Variants in ALOXE3 observed in about 807,000 individuals in gnomAD.
The protein encoded by ALOXE3 is hydroperoxide isomerase ALOXE3.
ALOXE3 carries 78 observed loss-of-function variants against 87.5 expected under a neutral mutation model. The ratio of observed to expected loss-of-function variants is 0.89; its 90% CI spans 0.74 to 1.08. ALOXE3 has a LOEUF of 1.08. Ranked by LOEUF, ALOXE3 falls within the 50% of genes least tolerant of loss-of-function variation. The pLI is 0.00. For synonymous variants in ALOXE3, 363 were observed against 370.8 expected, an observed-to-expected ratio of 0.98 and a Z score of 0.24; for missense variants, 946 against 912.4, an observed-to-expected ratio of 1.04 and a Z score of -0.47.
intron 13 of ALOXE3, among the ~76,000 whole-genome samples, chr17:8,106,749 C>T (rs983831707): frequency 2.0e-5 from 3 of 152,096 alleles, no homozygotes; most frequent in Non-Finnish European, 2.9e-5. Context: ...TCGCTTGAAC[C>T]GGGAGGTGGA....
chr17:8,096,594 CT>C lies in ALOXE3; in HGVS notation c.*32del. ...GAACTGGTCCTCCTCATGCTTGGAC[CT>C]TTCTTTCTTCTTGGGTGGTATTTGG... On this transcript the variant is annotated 3_prime_UTR_variant, in exon 16 of 16. Coordinates refer to ENST00000448843, the MANE Select transcript of ALOXE3 (RefSeq NM_021628.3). 9.9e-7 allele frequency: 1 copy of C among 1,011,468 alleles called. No homozygotes were observed. The highest frequency in any genetic ancestry group is 1.6e-6 in the Non-Finnish European group (1 of 629,660). The allele number at this position is 1,011,468 out of a possible 1,614,324, so 62.7% of individuals were successfully genotyped here.
chr17:8,109,916 C>G lies in ALOXE3; in HGVS notation c.1392G>C (p.Gln464His), dbSNP rs1979881232. 6.5e-7 allele frequency: 1 copy of G among 1,549,734 alleles called. No homozygotes were observed. Among genetic ancestry groups the G allele is most frequent in the South Asian group, 1.2e-5 (1 of 84,050 alleles). The change falls in exon 11 of 16, where the codon CAG becomes CAC. Residue 464 changes from glutamine to histidine, a missense_variant and splice_region_variant. Physicochemically the swap from Gln to His is conservative, Grantham distance 24 (BLOSUM62 0). Transcript: ENST00000448843. ...TLLNPEGLVD[Q>H]VTSIGRQGLI... ...CAGTGACCCGGCAGGGAGGCCGCAC[C>G]TGGTCCACGAGGCCCTCGGGGTTGA... is the stretch of plus-strand genomic sequence containing the variant.
chr17:8,116,939 C>T lies in ALOXE3; in HGVS notation c.189G>A (p.Glu63=). ...CCTTGTGTACACGCAGCAGCAAGAGCTCACCCAGCTCCGCTGTGCAACGCA... is the reference window on the plus strand; with the variant it reads ...CCTTGTGTACACGCAGCAGCAAGAGTTCACCCAGCTCCGCTGTGCAACGCA... ...YKVRCTAELG[E]LLLLRVHKER... The change falls in exon 3 of 16, where the codon GAG becomes GAA. Residue 63 remains glutamate (E), a synonymous_variant. Coordinates refer to ENST00000448843, the MANE Select transcript of ALOXE3 (RefSeq NM_021628.3). 2 of 1,614,242 alleles carry T rather than the reference C, an allele frequency of 1.2e-6. No homozygotes were observed. Among genetic ancestry groups the T allele is most frequent in the African/African-American group, 1.3e-5 (1 of 75,080 alleles).
intron 1 of ALOXE3, 32 bp downstream of exon 1, chr17:8,118,454 C>G: frequency 6.5e-7 from 1 of 1,550,284 alleles, no homozygotes; most frequent in Non-Finnish European, 8.7e-7. Flanking sequence ...TCTGTTCCTC[C>G]CCATTCCCAG....
At chr17:8,111,241 G>T in intron 8 of ALOXE3, 118 bp downstream of exon 8, 2 of 1,269,972 alleles carry the variant, frequency 1.6e-6, no homozygotes, top group Non-Finnish European at 2.3e-6. Context: ...CAGAGGATGA[G>T]GCCCACAGGT....
intron 13 of ALOXE3, among the ~76,000 whole-genome samples, chr17:8,106,987 C>T (rs1428737789): frequency 6.6e-6 from 1 of 152,154 alleles, no homozygotes; most frequent in Admixed American, 6.5e-5. Flanking sequence ...TAGGTTTATA[C>T]TTGTTGGAAG....
At position 8,116,965 on chromosome 17, in the gene ALOXE3, C is replaced by G. The variant is rs1980652988; in HGVS notation, c.163G>C (p.Val55Leu). ...TCACCCAGCTCCGCTGTGCAACGCA[C>G]CTTGTACTTCTGTACCTGAGGGGAC... ...FAPGSVQKYK[V>L]RCTAELGELL... Residue 55 changes from valine to leucine, a missense_variant, in exon 3 of 16, where the codon GTG (valine) becomes CTG (leucine). By Grantham distance (32) the Val-to-Leu change is conservative. Transcript: ENST00000448843. 1 of 1,613,860 alleles carries G rather than the reference C, an allele frequency of 6.2e-7. No homozygotes were observed. The highest frequency in any genetic ancestry group is 1.3e-5 in the African/African-American group (1 of 74,942).
intron 7 of ALOXE3, 58 bp downstream of exon 7, chr17:8,112,035 A>G: frequency 1.4e-6 from 2 of 1,472,146 alleles, no homozygotes; most frequent in Non-Finnish European, 1.9e-6. Context: ...AAGGAGAGGA[A>G]GGGGTCTGAG....
intron 15 of ALOXE3, among the ~76,000 whole-genome samples, chr17:8,097,320 C>T (rs745812432): frequency 5.3e-5 from 8 of 152,070 alleles, no homozygotes; most frequent in Non-Finnish European, 1.0e-4. Flanking sequence ...CCCTTTCATA[C>T]CTGATCCAAC....
At chr17:8,117,622 G>A (rs531521673) in intron 2 of ALOXE3, among the ~76,000 whole-genome samples, 1 of 152,264 alleles carries the variant, frequency 6.6e-6, no homozygotes, top group South Asian at 2.1e-4. Flanking sequence ...AGGAGCCAGG[G>A]GAAGTCCCTC....
chr17:8,098,587 C>CT (rs996946579), intron 15 of ALOXE3, among the ~76,000 whole-genome samples: 1 of 152,140 alleles, frequency 6.6e-6, no homozygotes, highest in African/African-American at 2.4e-5. Flanking sequence ...TCATTTTACA[C>CT]TGAGTTTTTA....
At position 8,117,962 on chromosome 17, in the gene ALOXE3, G is replaced by C; in HGVS notation, c.29C>G (p.Thr10Ser). 2 of 1,612,314 alleles carry C rather than the reference G, an allele frequency of 1.2e-6. No homozygotes were observed. Among genetic ancestry groups the C allele is most frequent in the Non-Finnish European group, 1.7e-6 (2 of 1,179,776 alleles). ...TGTGCCGGCCCTCAGGTAGGGACCA[G>C]TGGTCACACACAGGCGGTACACTGC... MAVYRLCVTTGPYLRAGTLD... is the reference protein window; with the variant it reads MAVYRLCVTSGPYLRAGTLD... The change falls in exon 2 of 16, where the codon ACT becomes AGT. Residue 10 changes from threonine to serine, a missense_variant. Coordinates refer to ENST00000448843, the MANE Select transcript of ALOXE3 (RefSeq NM_021628.3).
At position 8,110,491 on chromosome 17, in the gene ALOXE3, G is replaced by A. The variant is rs749610598; in HGVS notation, c.995C>T (p.Ala332Val). 2 of 1,613,898 alleles carry A rather than the reference G, an allele frequency of 1.2e-6. No individual in the cohort carries two copies. Among genetic ancestry groups the A allele is most frequent in the South Asian group, 2.2e-5 (2 of 91,082 alleles). ...GTTTAGGCAGTGGGTGGGGGCCTCC[G>A]CCAGGATCCAGTAGTCCGCTAGGAA... ...NIFLADYWIL[A>V]EAPTHCLNGR... is the part of the protein sequence containing the mutation. Residue 332 changes from alanine (A) to valine (V), a missense_variant, in exon 9 of 16, where the codon GCG becomes GTG. Ala to Val is a moderately conservative substitution (Grantham distance 64). Coordinates refer to ENST00000448843, the MANE Select transcript of ALOXE3 (RefSeq NM_021628.3).
chr17:8,117,021 CT>C, intron 2 of ALOXE3, 41 bp from the exon 3 acceptor site: 1 of 1,589,266 alleles, frequency 6.3e-7, no homozygotes, highest in Non-Finnish European at 8.6e-7. Flanking sequence ...AGGCGGGGAA[CT>C]GCCAAGGCGG....
In ALOXE3 at chr17:8,117,828, T is replaced by A. The variant is rs1479121851; in HGVS notation, c.147+16A>T. 1.2e-6 allele frequency: 2 copies of A among 1,608,956 alleles called. No individual in the cohort carries two copies. Among genetic ancestry groups the A allele is most frequent in the Non-Finnish European group, 1.7e-6 (2 of 1,178,770 alleles). ...GCCCCTCTGAGGTCGCGCTTCCCTG[T>A]CTCCTTTGTACTCACCGATCCAGGG... On this transcript the variant is annotated intron_variant, in intron 2 of 15. Coordinates refer to ENST00000448843, the MANE Select transcript of ALOXE3 (RefSeq NM_021628.3).
chr17:8,109,927 G>T lies in ALOXE3; in HGVS notation c.1381C>A (p.Leu461Ile). The change falls in exon 11 of 16, where the codon CTC (leucine) becomes ATC (isoleucine). Residue 461 changes from leucine to isoleucine, a missense_variant. Transcript: ENST00000448843. ...CAGGGAGGCCGCACCTGGTCCACGA[G>T]GCCCTCGGGGTTGAGCAGCGTGGCC... is the stretch of plus-strand genomic sequence containing the variant. ...ARATLLNPEG[L>I]VDQVTSIGRQ... 6.4e-7 allele frequency: 1 copy of T among 1,550,514 alleles called. No homozygotes were observed. Among genetic ancestry groups the T allele is most frequent in the Non-Finnish European group, 8.7e-7 (1 of 1,146,438 alleles).
In ALOXE3 at chr17:8,096,200, C is replaced by A; in HGVS notation, c.*427G>T. The A allele has an allele frequency of 5.4e-6, 1 of 184,908 alleles. No homozygotes were observed. Among genetic ancestry groups the A allele is most frequent in the Non-Finnish European group, 1.1e-5 (1 of 87,198 alleles). The allele number at this position is 184,908 out of a possible 1,614,324, so 11.5% of individuals were successfully genotyped here. A position where few individuals can be genotyped will look rare whatever the true frequency, so the allele number is the denominator to read the frequency against. On this transcript the variant is annotated 3_prime_UTR_variant, in exon 16 of 16. Coordinates refer to ENST00000448843, the MANE Select transcript of ALOXE3 (RefSeq NM_021628.3). ...TTCCAGGCTTTTCCAGAGAAGGAAG[C>A]TGGGCTGGTGGCTCTAGGCTTGGAA...
At chr17:8,100,201 G>T (rs1427416735) in intron 15 of ALOXE3, among the ~76,000 whole-genome samples, 2 of 152,142 alleles carry the variant, frequency 1.3e-5, no homozygotes, top group Non-Finnish European at 2.9e-5. Flanking sequence ...CCACTTCTGG[G>T]CCTAGACTTG....
chr17:8,104,246 G>A (rs1186843741), intron 13 of ALOXE3, 31 bp from the exon 14 acceptor site: 2 of 1,556,746 alleles, frequency 1.3e-6, no homozygotes, highest in South Asian at 1.1e-5. Context: ...TAGAGGGTGT[G>A]GATGGAAGGT....
Sources: allele counts gnomAD v4.1 joint callset (sites outside exome capture counted in the v4.1 genomes callset), GRCh38; gene constraint gnomAD v4.1.1; transcripts MANE v1.5; gene names NCBI Gene and HGNC (gene_info 2026-07-23, HGNC 2026-07-21).